Variants in PTPRD observed in about 807,000 individuals in gnomAD.
The protein encoded by PTPRD is protein tyrosine phosphatase receptor type D.
Under a neutral mutation model 214.5 loss-of-function variants are expected in PTPRD, and 34 were observed. The observed-to-expected ratio is 0.16, with a 90% confidence interval of 0.12 to 0.21. The LOEUF is 0.21. PTPRD is among the 10% of genes least tolerant of loss of function. PTPRD has a pLI of 1.00. For synonymous variants in PTPRD, 1,128 were observed against 845.7 expected, an observed-to-expected ratio of 1.33 and a Z score of -5.79; for missense variants, 2,545 against 2,398.7, an observed-to-expected ratio of 1.06 and a Z score of -1.27.
chr9:9,144,834 T>C (rs1592366775), intron 10 of PTPRD, among the ~76,000 whole-genome samples: 1 of 152,224 alleles, frequency 6.6e-6, no homozygotes, highest in Admixed American at 6.5e-5. Flanking sequence ...TAATGGCAAT[T>C]TGGCATACCG....
At chr9:9,948,017 G>A (rs1014664614) in intron 4 of PTPRD, among the ~76,000 whole-genome samples, 10 of 151,864 alleles carry the variant, frequency 6.6e-5, no homozygotes, top group Non-Finnish European at 1.2e-4. Context: ...TTGACTTTAT[G>A]AAGAAGGGAG....
chr9:10,455,212 G>A (rs529535544), intron 2 of PTPRD, among the ~76,000 whole-genome samples: 5 of 151,750 alleles, frequency 3.3e-5, no homozygotes, highest in African/African-American at 1.2e-4. Context: ...CACTGCTGAC[G>A]AGAGCTTTCC....
At chr9:8,944,573 A>AAATGAG (rs1431900792) in intron 11 of PTPRD, among the ~76,000 whole-genome samples, 1 of 152,170 alleles carries the variant, frequency 6.6e-6, no homozygotes, top group Non-Finnish European at 1.5e-5. Context: ...ATTCAGCCAT[A>AAATGAG]AATGAGAATG....
At chr9:10,405,789 T>C (rs2098344867) in intron 2 of PTPRD, among the ~76,000 whole-genome samples, 1 of 151,410 alleles carries the variant, frequency 6.6e-6, no homozygotes, top group Non-Finnish European at 1.5e-5. Flanking sequence ...TGGTGAAGCC[T>C]AATTACATCA....
At chr9:8,783,101 T>C (rs1363980621) in intron 11 of PTPRD, among the ~76,000 whole-genome samples, 1 of 152,188 alleles carries the variant, frequency 6.6e-6, no homozygotes, top group Non-Finnish European at 1.5e-5. Flanking sequence ...AATTACAGCA[T>C]ATCAACATGA....
At chr9:8,536,984 T>C (rs188440620) in intron 14 of PTPRD, among the ~76,000 whole-genome samples, 9 of 152,128 alleles carry the variant, frequency 5.9e-5, no homozygotes, top group Admixed American at 1.3e-4. Flanking sequence ...GGACCACCAT[T>C]TTCTTTCCAG....
At chr9:9,367,917 G>T (rs551949259) in intron 9 of PTPRD, among the ~76,000 whole-genome samples, 71 of 151,852 alleles carry the variant, frequency 4.7e-4, no homozygotes, top group South Asian at 2.7e-3. Flanking sequence ...TCATAAGGGA[G>T]AGCTACTAGC....
chr9:10,595,939 A>G (rs1352215223), intron 2 of PTPRD, among the ~76,000 whole-genome samples: 3 of 151,966 alleles, frequency 2.0e-5, no homozygotes, highest in African/African-American at 7.2e-5. Context: ...AGATACTGTC[A>G]TTGCCTCCAC....
chr9:10,076,507 C>A (rs539064604), intron 3 of PTPRD, among the ~76,000 whole-genome samples: 1 of 152,178 alleles, frequency 6.6e-6, no homozygotes, highest in Admixed American at 6.5e-5. Context: ...CCCTGAAGGT[C>A]CATATGATAA....
At chr9:9,255,976 G>C (rs62534654) in intron 9 of PTPRD, among the ~76,000 whole-genome samples, 52,069 of 151,886 alleles carry the variant, frequency 0.34, 10,699 homozygotes, top group Middle Eastern at 0.5. Flanking sequence ...GGATTACAGG[G>C]CTTGAAGAGG....
chr9:8,396,699 T>C (rs1021119123), intron 36 of PTPRD, among the ~76,000 whole-genome samples: 2 of 152,104 alleles, frequency 1.3e-5, no homozygotes, highest in African/African-American at 4.8e-5. Flanking sequence ...TCAGCAGGTA[T>C]AGTCTAAGGT....
In PTPRD at chr9:9,007,410, G is replaced by GA. The variant is rs535269932; in HGVS notation, c.-104+11286dup. Among the ~76,000 whole-genome samples, 21 of 151,702 alleles carry GA rather than the reference G, an allele frequency of 1.4e-4. No individual in the cohort carries two copies. In the South Asian group the frequency reaches 2.7e-3, roughly 20 times the overall value. ...CCTCTAAAATTAATAAAATCTAAGAGAAAAAATGTGTTTTTGTACAACTAT... is the reference window on the plus strand; with the variant it reads ...CCTCTAAAATTAATAAAATCTAAGAGAAAAAAATGTGTTTTTGTACAACTAT... On this transcript the variant is annotated intron_variant, in intron 11 of 45. Coordinates refer to ENST00000381196, the MANE Select transcript of PTPRD (RefSeq NM_002839.4).
At chr9:9,057,552 T>G (rs2099698641) in intron 10 of PTPRD, among the ~76,000 whole-genome samples, 1 of 152,190 alleles carries the variant, frequency 6.6e-6, no homozygotes, top group African/African-American at 2.4e-5. Context: ...TCCTAAGGAT[T>G]TTTTGTTAAA....
intron 4 of PTPRD, among the ~76,000 whole-genome samples, chr9:10,025,726 C>T (rs374142062): frequency 7.2e-5 from 11 of 152,258 alleles, no homozygotes; most frequent in Non-Finnish European, 1.0e-4. Context: ...TATTTGAAGA[C>T]GATTTCCTTG....
chr9:10,097,391 G>C (rs1387360475), intron 3 of PTPRD, among the ~76,000 whole-genome samples: 1 of 145,550 alleles, frequency 6.9e-6, no homozygotes, highest in Non-Finnish European at 1.5e-5. Context: ...TCTTCCATTT[G>C]TTTGTATCCT....
chr9:10,191,320 A>T (rs574202427), intron 3 of PTPRD, among the ~76,000 whole-genome samples: 1 of 152,066 alleles, frequency 6.6e-6, no homozygotes, highest in Non-Finnish European at 1.5e-5. Flanking sequence ...TTTCTTTCTT[A>T]TAAAACCAAT....
intron 3 of PTPRD, among the ~76,000 whole-genome samples, chr9:10,131,406 A>C (rs1292025755): frequency 6.6e-6 from 1 of 152,154 alleles, no homozygotes; most frequent in African/African-American, 2.4e-5. Context: ...TTCCACATAA[A>C]GCCTGTATTG....
chr9:9,938,079 T>A (rs1386902976), intron 5 of PTPRD, among the ~76,000 whole-genome samples: 1 of 152,060 alleles, frequency 6.6e-6, no homozygotes, highest in Non-Finnish European at 1.5e-5. Flanking sequence ...AAACCTGAGG[T>A]CCTGAAGGGT....
intron 5 of PTPRD, among the ~76,000 whole-genome samples, chr9:9,770,940 A>T (rs2098747141): frequency 2.0e-5 from 3 of 152,166 alleles, no homozygotes; most frequent in African/African-American, 7.2e-5. Context: ...AAATGGTCAA[A>T]TATGCACAGT....
Sources: gnomAD v4.1 joint callset for allele counts (sites outside exome capture counted in the v4.1 genomes callset) on GRCh38, gnomAD v4.1.1 for gene constraint, MANE v1.5 for transcripts, NCBI Gene and HGNC (gene_info 2026-07-23, HGNC 2026-07-21) for gene names.